The following ZNF267 variants were observed in gnomAD, a reference collection of about 807,000 sequenced individuals.
The protein encoded by ZNF267 is zinc finger protein 267.
ZNF267 carries 61 observed loss-of-function variants against 71.6 expected under a neutral mutation model. That is an observed-to-expected ratio of 0.85 (90% CI 0.69 to 1.05). The LOEUF (loss-of-function observed/expected upper bound fraction) is 1.05. Ranked by LOEUF, ZNF267 falls within the 50% of genes least tolerant of loss-of-function variation. ZNF267 has a pLI of 0.00. For missense variants in ZNF267, 852 were observed against 870.0 expected, an observed-to-expected ratio of 0.98 and a Z score of 0.26; for synonymous variants, 288 against 293.2, an observed-to-expected ratio of 0.98 and a Z score of 0.18.
chr16:31,911,286 T>G (rs1474783767), intron 3 of ZNF267, among the ~76,000 whole-genome samples: 1 of 151,730 alleles, frequency 6.6e-6, no homozygotes, highest in Non-Finnish European at 1.5e-5. Context: ...TGTTGAAGTC[T>G]CAATTATTAT....
chr16:31,905,352 G>A (rs559848354), intron 3 of ZNF267, among the ~76,000 whole-genome samples: 1 of 152,284 alleles, frequency 6.6e-6, no homozygotes, highest in Admixed American at 6.5e-5. Flanking sequence ...GATTGGGGAA[G>A]TTCTCCTGGA....
Position 31,915,253 on chromosome 16 carries a change from T to G in ZNF267, c.1004T>G (p.Leu335Trp), listed in dbSNP as rs763784947. ...TGTGGGGATAGCTTAAACCATAGTT[T>G]GCACCTTACTCAACATCAGATCATT... ...EKCGDSLNHS[L>W]HLTQHQIIPT... is the part of the protein sequence containing the mutation. The change falls in exon 4 of 4, where the codon TTG (leucine) becomes TGG (tryptophan). Residue 335 changes from leucine to tryptophan, a missense_variant. Physicochemically the swap from Leu to Trp is moderately conservative, Grantham distance 61. Transcript: ENST00000300870. 7.4e-6 allele frequency: 12 copies of G among 1,613,986 alleles called. No individual in the cohort carries two copies. Among genetic ancestry groups the G allele is most frequent in the Non-Finnish European group, 9.3e-6 (11 of 1,179,948 alleles).
At chr16:31,893,071 T>G (rs1391906083) in intron 3 of ZNF267, among the ~76,000 whole-genome samples, 1 of 152,234 alleles carries the variant, frequency 6.6e-6, no homozygotes, top group Non-Finnish European at 1.5e-5. Context: ...AACTTCTGCC[T>G]GGGCATCCAG....
In ZNF267 at chr16:31,917,232, G is replaced by A. The variant is rs1366962821; in HGVS notation, c.*751G>A. The A allele has an allele frequency of 6.6e-6, 1 of 151,844 alleles. No homozygotes were observed. Among genetic ancestry groups the A allele is most frequent in the Non-Finnish European group, 1.5e-5 (1 of 67,982 alleles). The allele number at this position is 151,844 out of a possible 1,614,324, so 9.4% of individuals were successfully genotyped here. Reference sequence around the variant, plus strand: ...TCAGCATTTTTCATGGAAGTTTAATGCCAAATGTAAAACACATGAAAATTT... The same window carrying A: ...TCAGCATTTTTCATGGAAGTTTAATACCAAATGTAAAACACATGAAAATTT... On this transcript the variant is annotated 3_prime_UTR_variant, in exon 4 of 4. Transcript: ENST00000300870.
At position 31,885,310 on chromosome 16, in the gene ZNF267, A is replaced by G; in HGVS notation, c.226+54A>G. 6 of 1,505,434 alleles carry G rather than the reference A, an allele frequency of 4.0e-6. No homozygotes were observed. In the Middle Eastern group the frequency reaches 9.7e-4, roughly 243 times the overall value. The allele number at this position is 1,505,434 out of a possible 1,614,324, so 93.3% of individuals were successfully genotyped here. A position where few individuals can be genotyped will look rare whatever the true frequency, so the allele number is the denominator to read the frequency against. On this transcript the variant is annotated intron_variant, in intron 3 of 3. Coordinates refer to ENST00000300870, the MANE Select transcript of ZNF267 (RefSeq NM_003414.6). The stretch of plus-strand genomic sequence containing the variant: ...ATGGGCGAGAGGTCCAGAAGTCAAG[A>G]AAGAACCAGACCTTGAAGTGTGGAT...
intron 3 of ZNF267, among the ~76,000 whole-genome samples, chr16:31,910,343 G>A (rs78332418): frequency 6.0e-4 from 91 of 151,708 alleles, no homozygotes; most frequent in Non-Finnish European, 9.6e-4. Flanking sequence ...ATCTTTAAAT[G>A]TTGGGTAGAA....
In ZNF267 at chr16:31,884,361, A is replaced by G. The variant is rs2083909299; in HGVS notation, c.4-137A>G. The stretch of plus-strand genomic sequence containing the variant: ...GTTTGAGACTACATTAGAAAATATT[A>G]CTGTGTTAAAAATGATCTTACTGAA... On this transcript the variant is annotated intron_variant, in intron 1 of 3. Coordinates refer to ENST00000300870, the MANE Select transcript of ZNF267 (RefSeq NM_003414.6). 3 of 1,048,908 alleles carry G rather than the reference A, an allele frequency of 2.9e-6. No homozygotes were observed. In the Admixed American group the frequency reaches 7.8e-5, roughly 27 times the overall value. The allele number at this position is 1,048,908 out of a possible 1,614,324, so 65.0% of individuals were successfully genotyped here.
At chr16:31,883,358 T>A (rs2083902851) in intron 1 of ZNF267, among the ~76,000 whole-genome samples, 1 of 152,202 alleles carries the variant, frequency 6.6e-6, no homozygotes, top group African/African-American at 2.4e-5. Flanking sequence ...TTTTAAATTT[T>A]ATTTACACAG....
intron 3 of ZNF267, chr16:31,894,454 G>T: frequency 1.5e-5 from 6 of 404,690 alleles, no homozygotes; most frequent in Admixed American, 3.0e-5. Flanking sequence ...ACCTGTTAGT[G>T]TTTTTTTTTT....
chr16:31,916,327 G>A lies in ZNF267; in HGVS notation c.2078G>A (p.Cys693Tyr). 6.2e-7 allele frequency: 1 copy of A among 1,614,128 alleles called. No individual in the cohort carries two copies. The highest frequency in any genetic ancestry group is 8.5e-7 in the Non-Finnish European group (1 of 1,180,002). Residue 693 changes from cysteine to tyrosine, a missense_variant, in exon 4 of 4, where the codon TGT becomes TAT. Coordinates refer to ENST00000300870, the MANE Select transcript of ZNF267 (RefSeq NM_003414.6). ...TGERPYKCDE[C>Y]GKAFSYRSYL... ...GAGAGACCCTACAAATGTGATGAAT[G>A]TGGTAAAGCCTTCAGCTATAGGTCA... is the stretch of plus-strand genomic sequence containing the variant.
intron 3 of ZNF267, among the ~76,000 whole-genome samples, chr16:31,903,581 G>T (rs921379416): frequency 4.6e-5 from 7 of 152,174 alleles, no homozygotes; most frequent in Non-Finnish European, 1.0e-4. Flanking sequence ...GCGTAGAGGT[G>T]TTTATAGTAT....
chr16:31,886,034 C>T (rs191472796), intron 3 of ZNF267, among the ~76,000 whole-genome samples: 20 of 152,270 alleles, frequency 1.3e-4, no homozygotes, highest in Non-Finnish European at 2.2e-4. Flanking sequence ...AACTATCATT[C>T]TATAATTTTG....
At chr16:31,913,881 A>C (rs1172781859) in intron 3 of ZNF267, 2 of 152,322 alleles carry the variant, frequency 1.3e-5, no homozygotes, top group Admixed American at 6.5e-5. Context: ...GGACCCTAAG[A>C]GTCTGCTTGG....
rs1567240175 is a variant in ZNF267 at position 31,915,727 on chromosome 16, A to C, written c.1478A>C (p.Lys493Thr). 2 of 1,613,254 alleles carry C rather than the reference A, an allele frequency of 1.2e-6. No homozygotes were observed. The highest frequency in any genetic ancestry group is 8.5e-7 in the Non-Finnish European group (1 of 1,179,870). ...GTTCATACTGGAGAGAAGCCTTATA[A>C]ATGTAAAGAATGTGGCAAAGTCTTT... ...QRVHTGEKPY[K>T]CKECGKVFSR... The change falls in exon 4 of 4, where the codon AAA becomes ACA. Residue 493 changes from lysine to threonine, a missense_variant. Lys to Thr is a moderately conservative substitution (Grantham distance 78). Transcript: ENST00000300870.
chr16:31,905,735 C>T (rs1256795806), intron 3 of ZNF267, among the ~76,000 whole-genome samples: 1 of 152,164 alleles, frequency 6.6e-6, no homozygotes, highest in Non-Finnish European at 1.5e-5. Context: ...GTTCGAACTT[C>T]CTCGTTTAGC....
intron 3 of ZNF267, among the ~76,000 whole-genome samples, chr16:31,898,087 A>T (rs1288530364): frequency 1.3e-5 from 2 of 152,084 alleles, no homozygotes; most frequent in Non-Finnish European, 2.9e-5. Context: ...TTCTACTATT[A>T]TTGTGCTGCT....
intron 3 of ZNF267, among the ~76,000 whole-genome samples, chr16:31,888,823 TA>T (rs2083940860): frequency 6.6e-6 from 1 of 152,110 alleles, no homozygotes; most frequent in South Asian, 2.1e-4. Flanking sequence ...GGTGGTCTCA[TA>T]AAATGAGTTT....
intron 3 of ZNF267, among the ~76,000 whole-genome samples, chr16:31,905,508 C>T (rs1471685767): frequency 6.6e-6 from 1 of 152,098 alleles, no homozygotes; most frequent in African/African-American, 2.4e-5. Flanking sequence ...TTTCTCTAAA[C>T]TTCTCTTTTC....
intron 3 of ZNF267, among the ~76,000 whole-genome samples, chr16:31,897,476 C>G (rs1166462679): frequency 6.6e-6 from 1 of 152,038 alleles, no homozygotes; most frequent in African/African-American, 2.4e-5. Context: ...ACTTGTCTGT[C>G]TTTGAGTACC....
Sources: gnomAD v4.1 joint callset for allele counts (sites outside exome capture counted in the v4.1 genomes callset) on GRCh38, gnomAD v4.1.1 for gene constraint, MANE v1.5 for transcripts, NCBI Gene and HGNC (gene_info 2026-07-23, HGNC 2026-07-21) for gene names.